The following HDAC9 variants were observed in gnomAD, a reference collection of about 807,000 sequenced individuals.
HDAC9 encodes the protein MEF-2 interacting transcription repressor (MITR) protein.
HDAC9 carries 41 observed loss-of-function variants against 139.4 expected under a neutral mutation model. That is an observed-to-expected ratio of 0.29 (90% CI 0.23 to 0.38). HDAC9 has a LOEUF of 0.38. HDAC9 is among the 10% of genes least tolerant of loss of function. The probability of loss-of-function intolerance (pLI) is 1.00; values close to 1 mark genes in which losing one functional copy is unlikely to be tolerated. For missense variants in HDAC9, 1,147 were observed against 1,297.0 expected, an observed-to-expected ratio of 0.88 and a Z score of 1.78; for synonymous variants, 517 against 476.2, an observed-to-expected ratio of 1.09 and a Z score of -1.12.
intron 1 of HDAC9, among the ~76,000 whole-genome samples, chr7:18,387,371 A>T (rs1160800066): frequency 6.6e-6 from 1 of 152,252 alleles, no homozygotes; most frequent in Non-Finnish European, 1.5e-5. Flanking sequence ...ATTTAAAAAA[A>T]GTCCCACATT....
intron 1 of HDAC9, among the ~76,000 whole-genome samples, chr7:18,131,297 G>A (rs1178371): frequency 0.44 from 67,570 of 151,940 alleles, 17,922 homozygotes; most frequent in African/African-American, 0.75. Context: ...CCCAATATTT[G>A]TTAGTATGAA....
intron 12 of HDAC9, among the ~76,000 whole-genome samples, chr7:18,670,718 G>A (rs534265454): frequency 2.0e-5 from 3 of 152,002 alleles, no homozygotes; most frequent in East Asian, 1.9e-4. Context: ...TTGGTGCAAC[G>A]ATTCTTTATA....
intron 2 of HDAC9, among the ~76,000 whole-genome samples, chr7:18,537,232 A>G (rs1432838729): frequency 1.3e-5 from 2 of 152,208 alleles, no homozygotes; most frequent in Non-Finnish European, 2.9e-5. Flanking sequence ...GGTGAAGGAG[A>G]GAGTTGAATC....
chr7:18,230,507 C>G (rs1793380947), intron 2 of HDAC9, among the ~76,000 whole-genome samples: 1 of 152,148 alleles, frequency 6.6e-6, no homozygotes, highest in Non-Finnish European at 1.5e-5. Flanking sequence ...GTTCTCAGCA[C>G]CAGAATAGCA....
At chr7:18,418,294 C>A (rs57261635) in intron 1 of HDAC9, among the ~76,000 whole-genome samples, 1,559 of 152,064 alleles carry the variant, frequency 0.01, 28 homozygotes, top group African/African-American at 0.035. Flanking sequence ...CCAAAGTGTC[C>A]ACTTCAGAGA....
chr7:18,438,067 A>G (rs764722058), intron 1 of HDAC9, among the ~76,000 whole-genome samples: 1 of 150,556 alleles, frequency 6.6e-6, no homozygotes, highest in South Asian at 2.1e-4. Flanking sequence ...TGGTATATAT[A>G]TAAAGTTTAT....
intron 16 of HDAC9, among the ~76,000 whole-genome samples, chr7:18,778,196 A>G (rs1203562536): frequency 6.6e-6 from 1 of 152,026 alleles, no homozygotes; most frequent in Non-Finnish European, 1.5e-5. Flanking sequence ...TAGCCGTAAG[A>G]AAAAAACAAT....
intron 19 of HDAC9, among the ~76,000 whole-genome samples, chr7:18,833,101 G>C (rs112332033): frequency 6.6e-6 from 1 of 152,104 alleles, no homozygotes; most frequent in Non-Finnish European, 1.5e-5. Flanking sequence ...ACATAATTGA[G>C]TTTAACCTTT....
chr7:18,862,535 A>G (rs1413142787), intron 21 of HDAC9, among the ~76,000 whole-genome samples: 1 of 152,168 alleles, frequency 6.6e-6, no homozygotes, highest in Non-Finnish European at 1.5e-5. Flanking sequence ...TTCAATTTTG[A>G]GATGGCACAC....
intron 2 of HDAC9, among the ~76,000 whole-genome samples, chr7:18,198,712 G>A (rs1195402261): frequency 1.3e-5 from 2 of 152,040 alleles, no homozygotes; most frequent in Admixed American, 1.3e-4. Flanking sequence ...GAAATATGGT[G>A]AATTTCCAAA....
At chr7:18,775,895 C>A (rs550222508) in intron 16 of HDAC9, among the ~76,000 whole-genome samples, 2 of 152,036 alleles carry the variant, frequency 1.3e-5, no homozygotes, top group African/African-American at 4.8e-5. Context: ...TACGAGATGG[C>A]CTTCTTGTCT....
At chr7:18,423,453 C>G (rs11769654) in intron 1 of HDAC9, among the ~76,000 whole-genome samples, 1 of 152,180 alleles carries the variant, frequency 6.6e-6, no homozygotes, top group South Asian at 2.1e-4. Context: ...ATGCTTAAAG[C>G]AGTGGCTTAA....
chr7:18,623,996 G>C (rs1840950496), intron 6 of HDAC9, among the ~76,000 whole-genome samples: 1 of 152,128 alleles, frequency 6.6e-6, no homozygotes, highest in South Asian at 2.1e-4. Context: ...TCAGAGTCCT[G>C]TGTGCTTCTA....
chr7:18,214,348 A>G (rs956869510), intron 2 of HDAC9, among the ~76,000 whole-genome samples: 2 of 152,084 alleles, frequency 1.3e-5, no homozygotes, highest in Non-Finnish European at 2.9e-5. Flanking sequence ...TGACCTAACT[A>G]GGGCTGCTTT....
At chr7:18,462,852 T>A (rs889065323) in intron 1 of HDAC9, among the ~76,000 whole-genome samples, 2 of 152,044 alleles carry the variant, frequency 1.3e-5, no homozygotes, top group Non-Finnish European at 2.9e-5. Context: ...ATTGCTGTTT[T>A]TCCTATGCAT....
intron 22 of HDAC9, among the ~76,000 whole-genome samples, chr7:18,879,800 A>C (rs1799590457): frequency 6.6e-6 from 1 of 152,144 alleles, no homozygotes; most frequent in South Asian, 2.1e-4. Flanking sequence ...CAAAAGCAAA[A>C]ATTGACAAGT....
intron 2 of HDAC9, among the ~76,000 whole-genome samples, chr7:18,247,990 G>T (rs914781359): frequency 6.6e-6 from 1 of 152,086 alleles, no homozygotes; most frequent in African/African-American, 2.4e-5. Flanking sequence ...TTGAAGTCAT[G>T]GGGAGAATAT....
At chr7:18,195,997 A>G (rs940716869) in intron 2 of HDAC9, among the ~76,000 whole-genome samples, 31 of 151,932 alleles carry the variant, frequency 2.0e-4, no homozygotes, top group African/African-American at 5.6e-4. Context: ...TCCTTCTTTT[A>G]TATTCTCTAT....
chr7:18,205,881 G>A (rs915278621), intron 2 of HDAC9, among the ~76,000 whole-genome samples: 4 of 152,078 alleles, frequency 2.6e-5, no homozygotes, highest in Non-Finnish European at 5.9e-5. Flanking sequence ...ACCATTCACA[G>A]GGAAAATCGG....
Sources: allele counts gnomAD v4.1 joint callset (sites outside exome capture counted in the v4.1 genomes callset), GRCh38; gene constraint gnomAD v4.1.1; transcripts MANE v1.5; gene names NCBI Gene and HGNC (gene_info 2026-07-23, HGNC 2026-07-21).